Variants in GMDS observed in about 807,000 individuals in gnomAD.
GMDS encodes the protein GDP-mannose 4,6-dehydratase, also known as GDP-mannose 4,6 dehydratase.
GMDS carries 20 observed loss-of-function variants against 49.9 expected under a neutral mutation model. The ratio of observed to expected loss-of-function variants is 0.40; its 90% CI spans 0.28 to 0.58. The LOEUF is 0.58. GMDS is among the 20% of genes least tolerant of loss of function. The pLI is 0.42. For missense variants in GMDS, 362 were observed against 481.4 expected (o/e 0.75, Z 2.32); for synonymous variants, 177 against 178.6 (o/e 0.99, Z 0.07).
chr6:1,837,907 G>A (rs368876358), intron 7 of GMDS, among the ~76,000 whole-genome samples: 4 of 152,166 alleles, frequency 2.6e-5, no homozygotes, highest in African/African-American at 9.7e-5. Flanking sequence ...GGACTAGGGG[G>A]ACACTGCTCA....
At chr6:2,024,133 G>A (rs780859382) in intron 4 of GMDS, among the ~76,000 whole-genome samples, 3 of 152,276 alleles carry the variant, frequency 2.0e-5, no homozygotes, top group East Asian at 3.9e-4. Context: ...AAAATAGATA[G>A]TAAGAGATAA....
At chr6:1,809,587 T>A (rs1317797489) in intron 7 of GMDS, among the ~76,000 whole-genome samples, 1 of 152,138 alleles carries the variant, frequency 6.6e-6, no homozygotes, top group African/African-American at 2.4e-5. Context: ...ACGTGGCATT[T>A]TATGGAGGAT....
chr6:1,867,107 T>C (rs1409858429), intron 7 of GMDS, among the ~76,000 whole-genome samples: 2 of 152,222 alleles, frequency 1.3e-5, no homozygotes, highest in Admixed American at 6.5e-5. Context: ...ACTCATTGTA[T>C]TCCACTCTGA....
chr6:2,001,035 T>G (rs1425070965), intron 4 of GMDS, among the ~76,000 whole-genome samples: 2 of 152,290 alleles, frequency 1.3e-5, no homozygotes, highest in Non-Finnish European at 2.9e-5. Context: ...CATCAAGTGG[T>G]AGTTCTACGG....
chr6:1,677,215 C>T (rs1055010039), intron 9 of GMDS, among the ~76,000 whole-genome samples: 5 of 152,204 alleles, frequency 3.3e-5, no homozygotes, highest in African/African-American at 1.2e-4. Flanking sequence ...AAATGCAAAT[C>T]AAAACCACAA....
chr6:2,048,317 G>A (rs1770150778), intron 4 of GMDS, among the ~76,000 whole-genome samples: 1 of 152,024 alleles, frequency 6.6e-6, no homozygotes, highest in African/African-American at 2.4e-5. Flanking sequence ...TTTCCATATG[G>A]CCAGCATCAA....
intron 9 of GMDS, among the ~76,000 whole-genome samples, chr6:1,675,694 T>C (rs12662038): frequency 0.17 from 26,375 of 151,650 alleles, 2,580 homozygotes; most frequent in African/African-American, 0.27. Flanking sequence ...CTACTAAAAA[T>C]ATAAAAAAAT....
intron 4 of GMDS, among the ~76,000 whole-genome samples, chr6:2,067,649 A>T (rs1430987401): frequency 6.6e-6 from 1 of 152,096 alleles, no homozygotes; most frequent in Admixed American, 6.5e-5. Context: ...CTACGCAAAT[A>T]AACTAGAAAA....
rs762559164 is a variant in GMDS, at chr6:2,074,359, AT to A, written c.345+41411del. ...TGGGCTTTGCCTACTTTTCAATGGG[AT>A]TTTTTTTATTGTTGAGCTATTTGAG... is the stretch of plus-strand genomic sequence containing the variant. On this transcript the variant is annotated intron_variant, in intron 4 of 10. Transcript: ENST00000380815. Among the ~76,000 whole-genome samples the A allele has an allele frequency of 2.7e-3, 404 of 152,022 alleles. 2 individuals are homozygous for A. Among genetic ancestry groups the A allele is most frequent in the African/African-American group, 9.5e-3 (394 of 41,462 alleles).
intron 1 of GMDS, among the ~76,000 whole-genome samples, chr6:2,157,329 T>C (rs1777159561): frequency 6.6e-6 from 1 of 152,218 alleles, no homozygotes; most frequent in African/African-American, 2.4e-5. Context: ...ACTAAGATAG[T>C]CAAGTGCATT....
intron 7 of GMDS, among the ~76,000 whole-genome samples, chr6:1,799,173 C>T (rs79064348): frequency 0.022 from 3,341 of 152,166 alleles, 113 homozygotes; most frequent in African/African-American, 0.075. Context: ...CTGGCCGTGA[C>T]GAGGGTGGAG....
At chr6:1,990,558 C>T (rs1484346016) in intron 4 of GMDS, among the ~76,000 whole-genome samples, 2 of 152,074 alleles carry the variant, frequency 1.3e-5, no homozygotes, top group Non-Finnish European at 2.9e-5. Context: ...CAAATGTCAA[C>T]CCCTTATCAA....
chr6:1,932,601 G>C (rs889034663), intron 6 of GMDS, among the ~76,000 whole-genome samples: 2 of 148,410 alleles, frequency 1.3e-5, no homozygotes, highest in Admixed American at 6.7e-5. Context: ...GCAGTGGCGC[G>C]ATCTCGGCTC....
rs544877000 is a variant in GMDS, at chr6:1,833,081, G to A, written c.772-90495C>T. On this transcript the variant is annotated intron_variant, in intron 7 of 10. Coordinates refer to ENST00000380815, the MANE Select transcript of GMDS (RefSeq NM_001500.4). The surrounding 1 kb of genome is among the most constrained non-coding windows in gnomAD (Gnocchi z 4.4). The stretch of plus-strand genomic sequence containing the variant: ...CAAAGGACGGAAAATTGCTGGCGCC[G>A]CTGGACCTGTGCCCAGCTCACCCGG... Among the ~76,000 whole-genome samples the A allele has an allele frequency of 2.6e-5, 4 of 151,002 alleles. No individual in the cohort carries two copies. Among genetic ancestry groups the A allele is most frequent in the East Asian group, 2.0e-4 (1 of 5,126 alleles).
intron 8 of GMDS, among the ~76,000 whole-genome samples, chr6:1,737,898 CAT>C (rs762584270): frequency 1.4e-5 from 2 of 145,072 alleles, no homozygotes; most frequent in South Asian, 2.3e-4. Context: ...ACCCCACACA[CAT>C]ACACACCACA....
chr6:1,830,870 T>C (rs762382987), intron 7 of GMDS, among the ~76,000 whole-genome samples: 4 of 152,254 alleles, frequency 2.6e-5, no homozygotes, highest in Non-Finnish European at 4.4e-5. Context: ...AGAATATGCC[T>C]GTTTTGTAGA....
rs369580856 is a variant in GMDS, at chr6:1,959,682, T to G, written c.643+185A>C. On this transcript the variant is annotated intron_variant, in intron 6 of 10. Transcript: ENST00000380815. ...TGTTAAAATTTAAAATCCCACAAAC[T>G]CAAAATAAAATTACAAAAAACTAAG... The G allele has an allele frequency of 1.4e-4, 54 of 395,686 alleles. 1 individual carries two copies. Among genetic ancestry groups the G allele is most frequent in the Admixed American group, 4.7e-4 (11 of 23,430 alleles). 24.5% of individuals were successfully genotyped at this position (395,686 alleles called of 1,614,324 possible).
chr6:2,156,509 C>T (rs1777120934), intron 1 of GMDS, among the ~76,000 whole-genome samples: 1 of 152,060 alleles, frequency 6.6e-6, no homozygotes, highest in Non-Finnish European at 1.5e-5. Context: ...ATGACTTTCA[C>T]AACAAATTTA....
Position 2,095,882 on chromosome 6 carries a change from A to G in GMDS, c.345+19889T>C, listed in dbSNP as rs555769718. On this transcript the variant is annotated intron_variant, in intron 4 of 10. Coordinates refer to ENST00000380815, the MANE Select transcript of GMDS (RefSeq NM_001500.4). Reference sequence around the variant, plus strand: ...ATGCTATCCAAAAGAAGAATTCTCAAGTCCCCTCAAAAAAGGGGGAGAGAG... The same window carrying G: ...ATGCTATCCAAAAGAAGAATTCTCAGGTCCCCTCAAAAAAGGGGGAGAGAG... Among the ~76,000 whole-genome samples, 3 of 152,326 alleles carry G rather than the reference A, an allele frequency of 2.0e-5. No individual in the cohort carries two copies. In the South Asian group the frequency reaches 6.2e-4, roughly 32 times the overall value.
Sources: allele counts gnomAD v4.1 joint callset (sites outside exome capture counted in the v4.1 genomes callset), GRCh38; gene constraint gnomAD v4.1.1; non-coding constraint Gnocchi (gnomAD v3.1); transcripts MANE v1.5; gene names NCBI Gene and HGNC (gene_info 2026-07-23, HGNC 2026-07-21).